The following SP1 variants were observed in gnomAD, a reference collection of about 807,000 sequenced individuals.
The protein encoded by SP1 is Sp1 transcription factor, also known as transcription factor Sp1.
In SP1, 6 loss-of-function variants were observed where a neutral mutation model predicts 66.3. The ratio of observed to expected loss-of-function variants is 0.09; its 90% CI spans 0.05 to 0.18. The LOEUF (loss-of-function observed/expected upper bound fraction) is 0.18, where lower values mean the gene tolerates loss of function less well. SP1 is among the 10% of genes least tolerant of loss of function. The pLI is 1.00. For synonymous variants in SP1, 417 were observed against 360.8 expected (o/e 1.16, Z -1.77); for missense variants, 848 against 964.5 (o/e 0.88, Z 1.60).
In SP1 at chr12:53,382,103, C is replaced by T. The variant is rs773652236; in HGVS notation, c.163-7C>T. The T allele has an allele frequency of 8.1e-6, 13 of 1,612,438 alleles. No individual in the cohort carries two copies. The highest frequency in any genetic ancestry group is 6.7e-5 in the East Asian group (3 of 44,878). ...TAACTCCTTTCCTCTCCCTTATTTTCGGCCAGGAGTCCCAGCCATCCCCTT... is the reference window on the plus strand; with the variant it reads ...TAACTCCTTTCCTCTCCCTTATTTTTGGCCAGGAGTCCCAGCCATCCCCTT... On this transcript the variant is annotated splice_region_variant and splice_polypyrimidine_tract_variant and intron_variant, in intron 2 of 5. Coordinates refer to ENST00000327443, the MANE Select transcript of SP1 (RefSeq NM_138473.3).
rs576657944 is a variant in SP1, at chr12:53,380,213, C to T, written c.-79C>T. 5 of 1,101,460 alleles carry T rather than the reference C, an allele frequency of 4.5e-6. No individual in the cohort carries two copies. Among genetic ancestry groups the T allele is most frequent in the African/African-American group, 3.1e-5 (2 of 64,946 alleles). The allele number at this position is 1,101,460 out of a possible 1,614,324, so 68.2% of individuals were successfully genotyped here. A position where few individuals can be genotyped will look rare whatever the true frequency, so the allele number is the denominator to read the frequency against. ...CTGTCCGGTCCGGGTTCGCTTGCCT[C>T]GTCAGCGTCCGCGTTTTTCCCGGCC... On this transcript the variant is annotated 5_prime_UTR_variant, in exon 1 of 6. Transcript: ENST00000327443.
At position 53,383,446 on chromosome 12, in the gene SP1, C is replaced by G; in HGVS notation, c.1499C>G (p.Thr500Ser). The G allele has an allele frequency of 6.2e-7, 1 of 1,614,238 alleles. No homozygotes were observed. The highest frequency in any genetic ancestry group is 8.5e-7 in the Non-Finnish European group (1 of 1,180,042). Residue 500 changes from threonine (T) to serine (S), a missense_variant, in exon 3 of 6, where the codon ACC (threonine) becomes AGC (serine). Around this residue, in one of 7 missense-constraint regions of SP1, gnomAD observed 606 missense variants for 589.9 expected, o/e 1.03. Coordinates refer to ENST00000327443, the MANE Select transcript of SP1 (RefSeq NM_138473.3). ...VSLGQTSSSN[T>S]TLTPIASAAS... ...TTGGGGCAGACCAGCAGCAGCAACA[C>G]CACTCTCACACCCATTGCCTCAGCT... is the stretch of plus-strand genomic sequence containing the variant.
In SP1 at chr12:53,411,186, C is replaced by T. The variant is rs139620478; in HGVS notation, c.2304C>T (p.Asn768=). Residue 768 remains asparagine, a synonymous_variant, in exon 6 of 6, where the codon AAC becomes AAT. Coordinates refer to ENST00000327443, the MANE Select transcript of SP1 (RefSeq NM_138473.3). ...CCCGTCTTGCCAACAGTGGCATCAA[C>T]GTCATGCAGGTGGCAGATCTGCAGT... ...GIARLANSGI[N]VMQVADLQSI... The T allele has an allele frequency of 2.9e-4, 461 of 1,613,902 alleles. No individual in the cohort carries two copies. In the African/African-American group the frequency reaches 5.7e-3, roughly 20 times the overall value.
At chr12:53,389,038 A>G (rs761948513) in intron 3 of SP1, among the ~76,000 whole-genome samples, 22 of 151,928 alleles carry the variant, frequency 1.4e-4, no homozygotes, top group Non-Finnish European at 2.8e-4. Flanking sequence ...GTAAAATTTA[A>G]CCTTTTTGCA....
At chr12:53,382,017 C>G (rs1236216565) in intron 2 of SP1, 93 bp from the exon 3 acceptor site, 11 of 1,289,574 alleles carry the variant, frequency 8.5e-6, no homozygotes, top group Admixed American at 2.2e-5. Context: ...TGCTCCTTGT[C>G]TGCACTACGT....
chr12:53,381,485 T>C, intron 1 of SP1, 174 bp from the exon 2 acceptor site: 1 of 538,986 alleles, frequency 1.9e-6, no homozygotes, highest in Non-Finnish European at 3.2e-6. Context: ...TTGAACCTAG[T>C]TCATGTCCTG....
chr12:53,403,258 A>G (rs1018513560), intron 3 of SP1, among the ~76,000 whole-genome samples: 3 of 152,246 alleles, frequency 2.0e-5, no homozygotes, highest in Admixed American at 6.5e-5. Flanking sequence ...CTGGATTTCT[A>G]GATGTTAAGT....
intron 3 of SP1, among the ~76,000 whole-genome samples, chr12:53,392,630 T>G (rs958367736): frequency 1.3e-5 from 2 of 151,794 alleles, no homozygotes; most frequent in Non-Finnish European, 2.9e-5. Flanking sequence ...GTGCTGGGAT[T>G]ACAGGCGTGA....
intron 3 of SP1, among the ~76,000 whole-genome samples, chr12:53,398,984 A>G (rs965087301): frequency 1.3e-5 from 2 of 152,178 alleles, no homozygotes; most frequent in African/African-American, 2.4e-5. Context: ...AGTTTTGTCA[A>G]TATGCTCTTA....
At chr12:53,387,622 T>A (rs1249051255) in intron 3 of SP1, among the ~76,000 whole-genome samples, 1 of 152,200 alleles carries the variant, frequency 6.6e-6, no homozygotes, top group African/African-American at 2.4e-5. Flanking sequence ...CAGCCAGAGC[T>A]GAGGCTAGTT....
chr12:53,394,409 C>CTTT (rs59816754), intron 3 of SP1, among the ~76,000 whole-genome samples: 195 of 114,866 alleles, frequency 1.7e-3, no homozygotes, highest in Non-Finnish European at 2.3e-3. Context: ...TTAAAAGTAT[C>CTTT]TTTTTTTTTT....
At chr12:53,394,605 G>GTT (rs1408888057) in intron 3 of SP1, among the ~76,000 whole-genome samples, 2 of 114,022 alleles carry the variant, frequency 1.8e-5, no homozygotes, top group African/African-American at 7.9e-5. Context: ...TGGAGATAAG[G>GTT]TCTTTTTTTT....
In SP1 at chr12:53,406,965, C is replaced by T. The variant is rs538912167; in HGVS notation, c.1844+212C>T. ...TCAGCCTCCCGAGTAGCTGGGACTA[C>T]AGGCACCTGTCACCACACCCAGCTA... On this transcript the variant is annotated intron_variant, in intron 4 of 5. Transcript: ENST00000327443. Among the ~76,000 whole-genome samples, 5 of 151,850 alleles carry T rather than the reference C, an allele frequency of 3.3e-5. No homozygotes were observed. The East Asian group carries it at 5.8e-4, about 18-fold the overall frequency.
At chr12:53,401,181 G>A (rs959956636) in intron 3 of SP1, among the ~76,000 whole-genome samples, 3 of 151,784 alleles carry the variant, frequency 2.0e-5, no homozygotes, top group Admixed American at 2.0e-4. Context: ...GCCTGGCACG[G>A]TGGCACGTGC....
In SP1 at chr12:53,411,242, A is replaced by G. The variant is rs148868929; in HGVS notation, c.*2A>G. Reference sequence around the variant, plus strand: ...AATATCAGTGGCAATGGCTTCTGAGATCAGGCACCCGGGGCCAGAGACATA... The same window carrying G: ...AATATCAGTGGCAATGGCTTCTGAGGTCAGGCACCCGGGGCCAGAGACATA... On this transcript the variant is annotated 3_prime_UTR_variant, in exon 6 of 6. Coordinates refer to ENST00000327443, the MANE Select transcript of SP1 (RefSeq NM_138473.3). 57 of 1,607,216 alleles carry G rather than the reference A, an allele frequency of 3.5e-5. 1 individual carries two copies. The African/African-American group carries it at 6.1e-4, about 17-fold the overall frequency.
rs934841326 is a variant in SP1, at chr12:53,411,443, A to G, written c.*203A>G. 8.2e-6 allele frequency: 4 copies of G among 489,372 alleles called. No individual in the cohort carries two copies. The highest frequency in any genetic ancestry group is 1.4e-5 in the Non-Finnish European group (4 of 280,032). 30.3% of individuals were successfully genotyped at this position (489,372 alleles called of 1,614,324 possible). A position where few individuals can be genotyped will look rare whatever the true frequency, so the allele number is the denominator to read the frequency against. ...ATCAGTGCCTCTTTGAAGGTGGGAAACATTAGTGAAAATTCTGTTGGTGCC... is the reference window on the plus strand; with the variant it reads ...ATCAGTGCCTCTTTGAAGGTGGGAAGCATTAGTGAAAATTCTGTTGGTGCC... On this transcript the variant is annotated 3_prime_UTR_variant, in exon 6 of 6. Coordinates refer to ENST00000327443, the MANE Select transcript of SP1 (RefSeq NM_138473.3).
In SP1 at chr12:53,411,507, T is replaced by TA; in HGVS notation, c.*268dup. On this transcript the variant is annotated 3_prime_UTR_variant, in exon 6 of 6. Transcript: ENST00000327443. ...CATTTGTTTGACCCCAGTTTCTTCT[T>TA]ACACTTCTTACCCCAGCCTACCCTT... 2.7e-6 allele frequency: 1 copy of TA among 363,750 alleles called. No individual in the cohort carries two copies. Among genetic ancestry groups the TA allele is most frequent in the Non-Finnish European group, 4.9e-6 (1 of 202,060 alleles). The allele number at this position is 363,750 out of a possible 1,614,324, so 22.5% of individuals were successfully genotyped here. A position where few individuals can be genotyped will look rare whatever the true frequency, so the allele number is the denominator to read the frequency against.
At chr12:53,391,088 ATAAT>A (rs1938339794) in intron 3 of SP1, among the ~76,000 whole-genome samples, 1 of 152,168 alleles carries the variant, frequency 6.6e-6, no homozygotes, top group Admixed American at 6.6e-5. Context: ...TTAGTAGATA[ATAAT>A]TAGTTGAGTT....
chr12:53,391,729 A>G (rs1289060798), intron 3 of SP1, among the ~76,000 whole-genome samples: 1 of 150,492 alleles, frequency 6.6e-6, no homozygotes, highest in East Asian at 1.9e-4. Flanking sequence ...GCAACCCAAC[A>G]GTTTTTCCAA....
Sources: allele counts gnomAD v4.1 joint callset (sites outside exome capture counted in the v4.1 genomes callset), GRCh38; gene constraint gnomAD v4.1.1; regional missense constraint gnomAD v4.1.1; transcripts MANE v1.5; gene names NCBI Gene and HGNC (gene_info 2026-07-23, HGNC 2026-07-21).